Variants in INPPL1 observed in about 807,000 individuals in gnomAD.
INPPL1 encodes the protein inositol polyphosphate phosphatase like 1, also known as phosphatidylinositol 3,4,5-trisphosphate 5-phosphatase 2.
In INPPL1, 91 loss-of-function variants were observed where a neutral mutation model predicts 139.3. The ratio of observed to expected loss-of-function variants is 0.65; its 90% CI spans 0.55 to 0.78. The LOEUF (loss-of-function observed/expected upper bound fraction) is 0.78. Ranked by LOEUF, INPPL1 falls within the 30% of genes least tolerant of loss-of-function variation. The pLI, the probability that INPPL1 is intolerant of heterozygous loss-of-function variation, is 0.00. For synonymous variants in INPPL1, 719 were observed against 686.6 expected (o/e 1.05, Z -0.74); for missense variants, 1,411 against 1,665.6 (o/e 0.85, Z 2.66).
Position 72,229,108 on chromosome 11 carries a change from CA to C in INPPL1, c.538del (p.Thr180ProfsTer7). The C allele has an allele frequency of 6.2e-7, 1 of 1,612,390 alleles. No individual in the cohort carries two copies. The highest frequency in any genetic ancestry group is 8.5e-7 in the Non-Finnish European group (1 of 1,179,110). On this transcript the variant is annotated frameshift_variant, in exon 5 of 28. Transcript: ENST00000298229. LOFTEE classifies it high-confidence loss of function. ...AAESAPNGLS[T>X]VSHDYLKGSY... is the part of the protein sequence containing the mutation. ...CCCAAAGTGCTCCCAATGGGCTGAGCACCGTCTCGCACGACTACCTGAAAGG... is the reference window on the plus strand; with the variant it reads ...CCCAAAGTGCTCCCAATGGGCTGAGCCCGTCTCGCACGACTACCTGAAAGG...
chr11:72,228,555 C>T lies in INPPL1; in HGVS notation c.397+57C>T, dbSNP rs1344491760. ...CCCTGTCCCTTGGCTCTACCTGCCT[C>T]TTCCCATCCCCCCTTCTCAACCCCA... is the stretch of plus-strand genomic sequence containing the variant. On this transcript the variant is annotated intron_variant, in intron 3 of 27. Transcript: ENST00000298229. The surrounding 1 kb of genome is among the most constrained non-coding windows in gnomAD (Gnocchi z 5.0). The T allele has an allele frequency of 1.9e-6, 3 of 1,585,214 alleles. No homozygotes were observed. Among genetic ancestry groups the T allele is most frequent in the Non-Finnish European group, 2.6e-6 (3 of 1,168,492 alleles).
In INPPL1 at chr11:72,235,835, A is replaced by C; in HGVS notation, c.2739-11A>C. 6.2e-7 allele frequency: 1 copy of C among 1,612,508 alleles called. No individual in the cohort carries two copies. Among genetic ancestry groups the C allele is most frequent in the African/African-American group, 1.3e-5 (1 of 75,018 alleles). ...ACCCCACTTCATCTCTCTCCTGTGC[A>C]TCCCTGGCAGGTCAGGGAGCCGCAA... On this transcript the variant is annotated splice_polypyrimidine_tract_variant and intron_variant, in intron 24 of 27. Transcript: ENST00000298229. The surrounding 1 kb of genome is among the most constrained non-coding windows in gnomAD (Gnocchi z 4.9).
rs200480750 is a variant in INPPL1 at position 72,237,500 on chromosome 11, C to G, written c.3256C>G (p.Arg1086Gly). The change falls in exon 26 of 28, where the codon CGT becomes GGT. Residue 1086 changes from arginine to glycine, a missense_variant. Coordinates refer to ENST00000298229, the MANE Select transcript of INPPL1 (RefSeq NM_001567.4). ...VVRGRGGAEA[R>G]GPPPPKAHPR... The stretch of plus-strand genomic sequence containing the variant: ...CCGGGGCCGTGGTGGGGCTGAGGCC[C>G]GTGGCCCACCACCTCCCAAGGCCCA... 1 of 1,609,092 alleles carries G rather than the reference C, an allele frequency of 6.2e-7. No homozygotes were observed. The highest frequency in any genetic ancestry group is 8.5e-7 in the Non-Finnish European group (1 of 1,177,050).
At position 72,237,832 on chromosome 11, in the gene INPPL1, A is replaced by T. The variant is rs943046963; in HGVS notation, c.3552+36A>T. On this transcript the variant is annotated intron_variant, in intron 26 of 27. Coordinates refer to ENST00000298229, the MANE Select transcript of INPPL1 (RefSeq NM_001567.4). Reference sequence around the variant, plus strand: ...CAGGGTGGCTGTCTGTGTGTGCCTGAGTGTGCTTGCCCACAGACTGGTACC... The same window carrying T: ...CAGGGTGGCTGTCTGTGTGTGCCTGTGTGTGCTTGCCCACAGACTGGTACC... 6 of 1,557,710 alleles carry T rather than the reference A, an allele frequency of 3.9e-6. No homozygotes were observed. The Admixed American group carries it at 1.1e-4, about 30-fold the overall frequency.
At chr11:72,233,981 T>C (rs559999694) in intron 19 of INPPL1, among the ~76,000 whole-genome samples, 1 of 152,172 alleles carries the variant, frequency 6.6e-6, no homozygotes, top group African/African-American at 2.4e-5. Context: ...TATGTGTCTG[T>C]GTCTGTCTAG....
intron 1 of INPPL1, 124 bp downstream of exon 1, chr11:72,225,290 A>AG: frequency 8.2e-7 from 1 of 1,221,050 alleles, no homozygotes; most frequent in Non-Finnish European, 1.0e-6. Flanking sequence ...TCCACCCCCC[A>AG]GAGTGGGAGC....
chr11:72,223,628 G>A (rs1754481091), upstream of INPPL1: 1 of 152,116 alleles, frequency 6.6e-6, no homozygotes, highest in South Asian at 2.1e-4. Flanking sequence ...CCGTTCGGGA[G>A]CGCGGGCTGG....
intron 17 of INPPL1, 119 bp downstream of exon 17, chr11:72,233,282 C>T (rs890925757): frequency 1.0e-5 from 11 of 1,067,712 alleles, no homozygotes; most frequent in Admixed American, 2.1e-5. Context: ...CCCTCTGAGG[C>T]CTTTGGGTGA....
chr11:72,233,135 A>G lies in INPPL1; in HGVS notation c.2012A>G (p.Tyr671Cys). The G allele has an allele frequency of 3.7e-6, 6 of 1,613,960 alleles. No homozygotes were observed. The highest frequency in any genetic ancestry group is 1.3e-5 in the African/African-American group (1 of 75,004). ...TATGAGCGGGGTTCCCGGGACACAT[A>G]TGCCTGGCACAAGCAGAAGCCAACT... ...YRYERGSRDT[Y>C]AWHKQKPTGV... Residue 671 changes from tyrosine to cysteine, a missense_variant, in exon 17 of 28, where the codon TAT becomes TGT. This residue lies in a region of INPPL1 where 363 missense variants were observed against 446.2 expected (regional missense o/e 0.81). Coordinates refer to ENST00000298229, the MANE Select transcript of INPPL1 (RefSeq NM_001567.4).
At chr11:72,230,954 C>T in intron 11 of INPPL1, 39 bp from the exon 12 acceptor site, 2 of 1,611,722 alleles carry the variant, frequency 1.2e-6, no homozygotes, top group Middle Eastern at 1.7e-4. Context: ...GAGCAGGTGC[C>T]TAACCCCTCC....
rs1269097310 is a variant in INPPL1, at chr11:72,235,118, C to T, written c.2418C>T (p.Leu806=). 1 of 1,613,800 alleles carries T rather than the reference C, an allele frequency of 6.2e-7. No individual in the cohort carries two copies. The highest frequency in any genetic ancestry group is 2.2e-5 in the East Asian group (1 of 44,860). The stretch of plus-strand genomic sequence containing the variant: ...CACTGGGCCTCCCTGCTTCCCAGCT[C>T]AAACCAATTCTGGCTGATATCGAGT... The part of the protein sequence containing the change: ...VQWSSRQLPT[L]KPILADIEYL... The change falls in exon 22 of 28, where the codon CTC becomes CTT. Residue 806 remains leucine (L), a splice_region_variant and synonymous_variant. Coordinates refer to ENST00000298229, the MANE Select transcript of INPPL1 (RefSeq NM_001567.4). This position sits in a 1 kb window ranked among gnomAD's most constrained non-coding sequence, Gnocchi z 4.9.
At chr11:72,233,009 C>G in intron 16 of INPPL1, 35 bp downstream of exon 16, 1 of 1,610,290 alleles carries the variant, frequency 6.2e-7, no homozygotes, top group South Asian at 1.1e-5. Flanking sequence ...GATCTGAGGG[C>G]TAGGAGACTT....
At chr11:72,232,110 G>T in intron 13 of INPPL1, 130 bp from the exon 14 acceptor site, 3 of 737,090 alleles carry the variant, frequency 4.1e-6, no homozygotes, top group African/African-American at 1.8e-5. Context: ...GTGTGCAGGG[G>T]CCTGCCCATG....
Position 72,230,441 on chromosome 11 carries a change from C to T in INPPL1, c.1170C>T (p.Arg390=). 1 of 1,613,992 alleles carries T rather than the reference C, an allele frequency of 6.2e-7. No homozygotes were observed. Among genetic ancestry groups the T allele is most frequent in the Non-Finnish European group, 8.5e-7 (1 of 1,180,038 alleles). Residue 390 remains arginine, a synonymous_variant, in exon 10 of 28, where the codon CGC becomes CGT. Transcript: ENST00000298229. ...AGAAGGAGAAGGACCGGACTCAGCG[C>T]AAGGACTTCATCTTTGTCAGTGCCC... The part of the protein sequence containing the change: ...VFEKEKDRTQ[R]KDFIFVSARK...
intron 1 of INPPL1, among the ~76,000 whole-genome samples, chr11:72,226,542 G>A (rs1055689233): frequency 6.6e-6 from 1 of 152,076 alleles, no homozygotes; most frequent in Non-Finnish European, 1.5e-5. Context: ...GGTAGAAGCC[G>A]GGGATACTGC....
intron 1 of INPPL1, among the ~76,000 whole-genome samples, chr11:72,225,788 C>T (rs1019279014): frequency 6.6e-6 from 1 of 152,184 alleles, no homozygotes; most frequent in Non-Finnish European, 1.5e-5. Context: ...GCCCTGGTTA[C>T]CTGGCTGCCC....
At position 72,237,324 on chromosome 11, in the gene INPPL1, G is replaced by A. The variant is rs776667035; in HGVS notation, c.3080G>A (p.Gly1027Glu). The A allele has an allele frequency of 2.9e-5, 47 of 1,613,828 alleles. No homozygotes were observed. In the South Asian group the frequency reaches 5.2e-4, roughly 18 times the overall value. The change falls in exon 26 of 28, where the codon GGG (glycine) becomes GAG (glutamate). Residue 1027 changes from glycine to glutamate, a missense_variant. This residue lies in a region of INPPL1 where 438 missense variants were observed against 425.7 expected (regional missense o/e 1.03). Coordinates refer to ENST00000298229, the MANE Select transcript of INPPL1 (RefSeq NM_001567.4). ...ATTACAGTGCCTGCTCCACAGCTTG[G>A]GCACCACCGGCACCCTCGTGTGGGA... Reference protein sequence around the residue: ...VAITVPAPQLGHHRHPRVGEG... With the variant: ...VAITVPAPQLEHHRHPRVGEG...
At chr11:72,233,789 G>GCCACCACCTGT in intron 19 of INPPL1, 45 bp downstream of exon 19, 3 of 1,534,894 alleles carry the variant, frequency 2.0e-6, no homozygotes, top group Non-Finnish European at 2.7e-6. Flanking sequence ...AATCTAGGTG[G>GCCACCACCTGT]GCACAGGTGG....
rs1392522730 is a variant in INPPL1, at chr11:72,235,779, A to G, written c.2738+26A>G. On this transcript the variant is annotated intron_variant, in intron 24 of 27. Transcript: ENST00000298229. The surrounding 1 kb of genome is among the most constrained non-coding windows in gnomAD (Gnocchi z 4.9). Reference sequence around the variant, plus strand: ...GTGAGCTAGGGCTGTGTTGAATGTCATATGAAAGGGTACCTGGGGGCATCT... The same window carrying G: ...GTGAGCTAGGGCTGTGTTGAATGTCGTATGAAAGGGTACCTGGGGGCATCT... 5.0e-6 allele frequency: 8 copies of G among 1,613,892 alleles called. No homozygotes were observed. Among genetic ancestry groups the G allele is most frequent in the Non-Finnish European group, 6.8e-6 (8 of 1,179,950 alleles).
Sources: allele counts gnomAD v4.1 joint callset (sites outside exome capture counted in the v4.1 genomes callset), GRCh38; gene constraint gnomAD v4.1.1; regional missense constraint gnomAD v4.1.1; non-coding constraint Gnocchi (gnomAD v3.1); transcripts MANE v1.5; gene names NCBI Gene and HGNC (gene_info 2026-07-23, HGNC 2026-07-21).